Variants in NRCAM observed in about 807,000 individuals in gnomAD.
NRCAM encodes the protein neuronal cell adhesion molecule.
In NRCAM, 83 loss-of-function variants were observed where a neutral mutation model predicts 156.5. The observed-to-expected ratio is 0.53, with a 90% CI of 0.44 to 0.64. The LOEUF is 0.64. NRCAM is among the 30% of genes least tolerant of loss of function. The pLI, the probability that NRCAM is intolerant of heterozygous loss-of-function variation, is 0.00. For missense variants in NRCAM, 1,417 were observed against 1,597.3 expected (o/e 0.89, Z 1.92); for synonymous variants, 538 against 563.9 (o/e 0.95, Z 0.65).
chr7:108,195,758 TACC>T lies in NRCAM; in HGVS notation c.1463_1463+2del, dbSNP rs1329231099. On this transcript the variant is annotated splice_donor_variant and coding_sequence_variant, in exon 15 of 33. Coordinates refer to ENST00000379028, the MANE Select transcript of NRCAM (RefSeq NM_001037132.4). LOFTEE classifies it high-confidence loss of function. ...TTGAAAAACACACAGAGCTGCTACTTACCACTCGATGGTTGGGAGAGGAGACCC... is the reference window on the plus strand; with the variant it reads ...TTGAAAAACACACAGAGCTGCTACTTACTCGATGGTTGGGAGAGGAGACCC... 2.0e-6 allele frequency: 3 copies of T among 1,522,948 alleles called. No homozygotes were observed. Among genetic ancestry groups the T allele is most frequent in the Non-Finnish European group, 2.7e-6 (3 of 1,097,286 alleles). 94.3% of individuals were successfully genotyped at this position (1,522,948 alleles called of 1,614,324 possible).
intron 1 of NRCAM, among the ~76,000 whole-genome samples, chr7:108,429,146 A>G (rs115670126): frequency 0.013 from 1,930 of 152,272 alleles, 36 homozygotes; most frequent in African/African-American, 0.044. Flanking sequence ...CCAACAGTCA[A>G]TGTGAAGGAA....
At chr7:108,236,823 C>T (rs1052704800) in intron 5 of NRCAM, among the ~76,000 whole-genome samples, 1 of 150,846 alleles carries the variant, frequency 6.6e-6, no homozygotes, top group East Asian at 1.9e-4. Flanking sequence ...GAATAGTGGC[C>T]ATAGGGAGTG....
intron 2 of NRCAM, among the ~76,000 whole-genome samples, chr7:108,381,398 C>A (rs1341282942): frequency 1.3e-5 from 2 of 152,044 alleles, no homozygotes; most frequent in Non-Finnish European, 2.9e-5. Context: ...TATATCTTGC[C>A]TGGGAGATAA....
intron 2 of NRCAM, among the ~76,000 whole-genome samples, chr7:108,337,290 C>A (rs1329314349): frequency 1.3e-5 from 2 of 151,732 alleles, no homozygotes; most frequent in African/African-American, 2.4e-5. Flanking sequence ...ACCACGGCTA[C>A]CCTCTTTGGG....
chr7:108,391,903 C>G (rs1430463800), intron 2 of NRCAM, among the ~76,000 whole-genome samples: 2 of 152,140 alleles, frequency 1.3e-5, no homozygotes, highest in Non-Finnish European at 2.9e-5. Flanking sequence ...AATATTGGCC[C>G]CACTCTCTTC....
At chr7:108,189,006 G>A (rs2069222035) in intron 20 of NRCAM, among the ~76,000 whole-genome samples, 1 of 151,298 alleles carries the variant, frequency 6.6e-6, no homozygotes, top group African/African-American at 2.4e-5. Flanking sequence ...CAACTTCGAA[G>A]CTTACCTATA....
chr7:108,279,117 ATGG>A (rs914336817), intron 3 of NRCAM, among the ~76,000 whole-genome samples: 1 of 152,206 alleles, frequency 6.6e-6, no homozygotes, highest in African/African-American at 2.4e-5. Context: ...TAAAGACTAT[ATGG>A]TAAGAGATGA....
chr7:108,309,512 TA>T (rs1457101967), intron 3 of NRCAM, among the ~76,000 whole-genome samples: 1 of 152,140 alleles, frequency 6.6e-6, no homozygotes, highest in Non-Finnish European at 1.5e-5. Context: ...AACTCAGCCT[TA>T]AAATGATCCT....
At chr7:108,203,740 G>A (rs1361114386) in intron 13 of NRCAM, among the ~76,000 whole-genome samples, 1 of 152,142 alleles carries the variant, frequency 6.6e-6, no homozygotes, top group Non-Finnish European at 1.5e-5. Flanking sequence ...GCACCTGGAG[G>A]GGACACTGCA....
At chr7:108,413,071 G>A (rs185646904) in intron 1 of NRCAM, among the ~76,000 whole-genome samples, 1 of 152,228 alleles carries the variant, frequency 6.6e-6, no homozygotes, top group Non-Finnish European at 1.5e-5. Context: ...GGATCATATG[G>A]TAGTTCTATT....
intron 2 of NRCAM, among the ~76,000 whole-genome samples, chr7:108,396,681 G>T (rs6466224): frequency 0.25 from 37,831 of 152,114 alleles, 5,023 homozygotes; most frequent in Non-Finnish European, 0.29. Context: ...ATGTATCAAA[G>T]ATCACCTGTA....
chr7:108,222,415 T>C (rs1248665519), intron 11 of NRCAM, among the ~76,000 whole-genome samples: 3 of 152,224 alleles, frequency 2.0e-5, no homozygotes, highest in African/African-American at 7.2e-5. Flanking sequence ...AACCATATTT[T>C]AGTTTTTTAT....
chr7:108,253,337 T>A (rs1465924070), intron 3 of NRCAM, among the ~76,000 whole-genome samples: 1 of 152,080 alleles, frequency 6.6e-6, no homozygotes, highest in East Asian at 1.9e-4. Flanking sequence ...AAGTAAGATG[T>A]ATCCAATTGT....
intron 1 of NRCAM, among the ~76,000 whole-genome samples, chr7:108,413,969 C>T (rs1472919024): frequency 1.3e-5 from 2 of 152,190 alleles, no homozygotes; most frequent in Middle Eastern, 3.2e-3. Flanking sequence ...GCAGGAGCTA[C>T]ACCCCTGCAC....
intron 1 of NRCAM, among the ~76,000 whole-genome samples, chr7:108,452,350 T>C (rs561396422): frequency 6.6e-6 from 1 of 152,342 alleles, no homozygotes; most frequent in South Asian, 2.1e-4. Context: ...CAAAATATCA[T>C]GTTGTACATA....
chr7:108,373,071 A>C (rs922266587), intron 2 of NRCAM, among the ~76,000 whole-genome samples: 1 of 152,178 alleles, frequency 6.6e-6, no homozygotes, highest in African/African-American at 2.4e-5. Context: ...TGAGGACATT[A>C]TGCTAAGTTA....
At chr7:108,396,489 T>C (rs2099777271) in intron 2 of NRCAM, among the ~76,000 whole-genome samples, 1 of 152,240 alleles carries the variant, frequency 6.6e-6, no homozygotes, top group Non-Finnish European at 1.5e-5. Context: ...TAGATTGCAA[T>C]GTAATTGACC....
chr7:108,375,343 T>TAAAGCC (rs3077976), intron 2 of NRCAM, among the ~76,000 whole-genome samples: 29,895 of 151,838 alleles, frequency 0.2, 3,498 homozygotes, highest in East Asian at 0.48. Context: ...TAATGATTTT[T>TAAAGCC]AAAGCCCTTC....
chr7:108,265,655 AAG>A (rs1481849858), intron 3 of NRCAM, among the ~76,000 whole-genome samples: 1 of 152,232 alleles, frequency 6.6e-6, no homozygotes, highest in Non-Finnish European at 1.5e-5. Flanking sequence ...TGTCTGTGCC[AAG>A]AAATTTGCAA....
Sources: gnomAD v4.1 joint callset for allele counts (sites outside exome capture counted in the v4.1 genomes callset) on GRCh38, gnomAD v4.1.1 for gene constraint, MANE v1.5 for transcripts, NCBI Gene and HGNC (gene_info 2026-07-23, HGNC 2026-07-21) for gene names.